NPAS3: variants seen among roughly 807,000 people sequenced by gnomAD.
The protein encoded by NPAS3 is neuronal PAS domain-containing protein 3.
A neutral mutation model predicts 73.1 loss-of-function variants in NPAS3; 14 were observed. The observed-to-expected ratio is 0.19, with a 90% CI of 0.13 to 0.30. The LOEUF is 0.30. NPAS3 is among the 10% of genes least tolerant of loss of function. The pLI is 1.00. For synonymous variants in NPAS3, 620 were observed against 541.5 expected, an observed-to-expected ratio of 1.14 and a Z score of -2.01; for missense variants, 1,096 against 1,250.0, an observed-to-expected ratio of 0.88 and a Z score of 1.86.
At chr14:33,284,575 A>G (rs574958159) in intron 3 of NPAS3, among the ~76,000 whole-genome samples, 6 of 152,186 alleles carry the variant, frequency 3.9e-5, no homozygotes, top group Non-Finnish European at 8.8e-5. Context: ...ATTATTAGAC[A>G]GTAATCAAAT....
At chr14:33,129,265 G>T (rs1167041509) in intron 2 of NPAS3, among the ~76,000 whole-genome samples, 1 of 152,098 alleles carries the variant, frequency 6.6e-6, no homozygotes, top group African/African-American at 2.4e-5. Context: ...TGAAAATAGG[G>T]CATTAAGGGA....
At chr14:33,388,901 G>A (rs929510287) in intron 4 of NPAS3, among the ~76,000 whole-genome samples, 4 of 152,122 alleles carry the variant, frequency 2.6e-5, no homozygotes, top group Non-Finnish European at 5.9e-5. Flanking sequence ...CCTGTGGATT[G>A]TGCCTAGCAA....
At chr14:33,508,596 C>A (rs1422787591) in intron 4 of NPAS3, among the ~76,000 whole-genome samples, 2 of 152,044 alleles carry the variant, frequency 1.3e-5, no homozygotes, top group Non-Finnish European at 2.9e-5. Flanking sequence ...AGGGCTCACA[C>A]AAACGCCTGG....
At chr14:33,195,879 C>T (rs1486631278) in intron 2 of NPAS3, among the ~76,000 whole-genome samples, 1 of 152,170 alleles carries the variant, frequency 6.6e-6, no homozygotes, top group Non-Finnish European at 1.5e-5. Flanking sequence ...GGGGATCACA[C>T]ACCACTCTAA....
At chr14:33,331,484 C>A (rs1001584097) in intron 3 of NPAS3, among the ~76,000 whole-genome samples, 1 of 152,114 alleles carries the variant, frequency 6.6e-6, no homozygotes, top group East Asian at 1.9e-4. Context: ...TGACTATATA[C>A]CAAATTGGCC....
intron 1 of NPAS3, among the ~76,000 whole-genome samples, chr14:33,023,736 A>G (rs72676752): frequency 6.6e-6 from 1 of 152,176 alleles, no homozygotes; most frequent in Non-Finnish European, 1.5e-5. Flanking sequence ...TTTGTCTTGA[A>G]TATTCTTTTG....
chr14:33,110,255 C>T (rs891327556), intron 2 of NPAS3, among the ~76,000 whole-genome samples: 1 of 151,966 alleles, frequency 6.6e-6, no homozygotes, highest in African/African-American at 2.4e-5. Context: ...TTATGATCTG[C>T]CTGTATAAAA....
intron 5 of NPAS3, among the ~76,000 whole-genome samples, chr14:33,617,630 C>T (rs879429210): frequency 6.6e-6 from 1 of 152,190 alleles, no homozygotes; most frequent in Non-Finnish European, 1.5e-5. Flanking sequence ...AATTAATATA[C>T]ATTTTAGAGT....
At chr14:33,754,947 T>C (rs1055651033) in intron 7 of NPAS3, among the ~76,000 whole-genome samples, 1 of 152,196 alleles carries the variant, frequency 6.6e-6, no homozygotes, top group Non-Finnish European at 1.5e-5. Context: ...GCAGGACAAA[T>C]CTTTAGATAG....
chr14:33,599,057 T>C (rs892441077), intron 5 of NPAS3, among the ~76,000 whole-genome samples: 2 of 152,220 alleles, frequency 1.3e-5, no homozygotes, highest in African/African-American at 4.8e-5. Flanking sequence ...AGTCTCTTAT[T>C]AGGCACATGT....
At chr14:33,590,642 C>T (rs886471030) in intron 5 of NPAS3, among the ~76,000 whole-genome samples, 16 of 151,964 alleles carry the variant, frequency 1.1e-4, no homozygotes, top group African/African-American at 3.9e-4. Flanking sequence ...ACATGTAATC[C>T]CAGTTACATA....
At position 33,113,616 on chromosome 14, in the gene NPAS3, G is replaced by A. The variant is rs2042968138; in HGVS notation, c.140+57622G>A. On this transcript the variant is annotated intron_variant, in intron 2 of 11. Transcript: ENST00000356141. ...TATACAATCATGTCATCTGCAAACA[G>A]GGACAATTTGACTTCCTCTTTTCCT... 2.0e-5 allele frequency among the ~76,000 whole-genome samples: 3 copies of A among 152,234 alleles called. No homozygotes were observed. In the South Asian group the frequency reaches 6.2e-4, roughly 32 times the overall value.
chr14:33,240,416 A>C lies in NPAS3; in HGVS notation c.385+24990A>C, dbSNP rs143044356. On this transcript the variant is annotated intron_variant, in intron 3 of 11. Transcript: ENST00000356141. Reference sequence around the variant, plus strand: ...AATTTTATATTTCATGTACCTCTCTAAGCTGTATTAAATAATAATTGGACT... The same window carrying C: ...AATTTTATATTTCATGTACCTCTCTCAGCTGTATTAAATAATAATTGGACT... Among the ~76,000 whole-genome samples, 25 of 151,742 alleles carry C rather than the reference A, an allele frequency of 1.6e-4. No individual in the cohort carries two copies. In the East Asian group the frequency reaches 4.8e-3, roughly 29 times the overall value.
At chr14:32,999,402 T>G (rs2139553730) in intron 1 of NPAS3, among the ~76,000 whole-genome samples, 1 of 152,014 alleles carries the variant, frequency 6.6e-6, no homozygotes, top group South Asian at 2.1e-4. Context: ...TCCCAGCTAC[T>G]CGGGAGGCTG....
At chr14:33,068,721 A>T (rs563980579) in intron 2 of NPAS3, among the ~76,000 whole-genome samples, 156 of 152,326 alleles carry the variant, frequency 1.0e-3, no homozygotes, top group Middle Eastern at 3.4e-3. Flanking sequence ...GGTGACCATT[A>T]AAAGAAAGAT....
chr14:33,215,049 C>T (rs914760815), intron 2 of NPAS3, 133 bp from the exon 3 acceptor site: 4 of 902,158 alleles, frequency 4.4e-6, no homozygotes, highest in Admixed American at 5.0e-5. Context: ...ACTCATTTTA[C>T]TGTCACTCTC....
At chr14:33,159,351 T>C (rs1257141150) in intron 2 of NPAS3, among the ~76,000 whole-genome samples, 1 of 152,044 alleles carries the variant, frequency 6.6e-6, no homozygotes, top group Non-Finnish European at 1.5e-5. Context: ...TCGTGAGGCA[T>C]CTTGTAATTT....
intron 6 of NPAS3, among the ~76,000 whole-genome samples, chr14:33,708,460 G>A (rs576517036): frequency 1.3e-5 from 2 of 152,258 alleles, no homozygotes; most frequent in Admixed American, 6.5e-5. Flanking sequence ...TTAAAATTAT[G>A]TTACATCTTA....
At chr14:33,159,124 T>C (rs551131253) in intron 2 of NPAS3, among the ~76,000 whole-genome samples, 3 of 152,152 alleles carry the variant, frequency 2.0e-5, no homozygotes, top group Non-Finnish European at 4.4e-5. Context: ...ATCACACCAC[T>C]GCACTCCAGC....
Sources: gnomAD v4.1 joint callset for allele counts (sites outside exome capture counted in the v4.1 genomes callset) on GRCh38, gnomAD v4.1.1 for gene constraint, MANE v1.5 for transcripts, NCBI Gene and HGNC (gene_info 2026-07-23, HGNC 2026-07-21) for gene names.